HIVEP3: variants seen among roughly 807,000 people sequenced by gnomAD.
The protein encoded by HIVEP3 is transcription factor HIVEP3.
In HIVEP3, 49 loss-of-function variants were observed where a neutral mutation model predicts 152.8. That is an observed-to-expected ratio of 0.32 (90% CI 0.26 to 0.41). The LOEUF (loss-of-function observed/expected upper bound fraction) is 0.41, where lower values mean the gene tolerates loss of function less well. Among genes scored for constraint, HIVEP3 ranks in the 10% least tolerant of loss-of-function variants. The pLI is 1.00. For synonymous variants in HIVEP3, 1,269 were observed against 1,289.0 expected (o/e 0.98, Z 0.33); for missense variants, 2,790 against 3,103.3 (o/e 0.90, Z 2.40).
Position 41,918,198 on chromosome 1 carries a change from G to A in HIVEP3, c.-801+215C>T, listed in dbSNP as rs945418096. On this transcript the variant is annotated intron_variant, in intron 1 of 8. Coordinates refer to ENST00000372583, the MANE Select transcript of HIVEP3 (RefSeq NM_024503.5). This position sits in a 1 kb window ranked among gnomAD's most constrained non-coding sequence, Gnocchi z 4.3. ...TCCCCAGCACCAGGCCGAGCAGCGC[G>A]CTCAGCCCACCGGGGGCACTGGCCG... Among the ~76,000 whole-genome samples, 2 of 124,278 alleles carry A rather than the reference G, an allele frequency of 1.6e-5. No individual in the cohort carries two copies. Among genetic ancestry groups the A allele is most frequent in the Non-Finnish European group, 3.9e-5 (2 of 50,842 alleles). 81.5% of individuals were successfully genotyped at this position (124,278 alleles called of 152,430 possible). A position where few individuals can be genotyped will look rare whatever the true frequency, so the allele number is the denominator to read the frequency against.
At chr1:42,014,034 GC>G (rs1249851102) in intron 1 of HIVEP3, among the ~76,000 whole-genome samples, 1 of 152,178 alleles carries the variant, frequency 6.6e-6, no homozygotes, top group Non-Finnish European at 1.5e-5. Flanking sequence ...CTGGCATAAT[GC>G]CCCATGTTGG....
chr1:41,751,323 C>CTTTTTTTT (rs1426877286), intron 1 of HIVEP3, among the ~76,000 whole-genome samples: 2 of 25,456 alleles, frequency 7.9e-5, no homozygotes, highest in African/African-American at 2.0e-4. Flanking sequence ...AACTGACACA[C>CTTTTTTTT]ATTTTTTTTT....
At chr1:41,687,664 G>A (rs7518983) in intron 2 of HIVEP3, among the ~76,000 whole-genome samples, 8,579 of 152,298 alleles carry the variant, frequency 0.056, 864 homozygotes, top group East Asian at 0.41. Context: ...CAGAGTCCCC[G>A]GTGCCCCTTC....
At chr1:41,821,255 C>T (rs867340967) in intron 1 of HIVEP3, among the ~76,000 whole-genome samples, 2 of 152,192 alleles carry the variant, frequency 1.3e-5, no homozygotes, top group Non-Finnish European at 2.9e-5. Context: ...CCGGTCCTCA[C>T]TCCGTCTTCT....
chr1:41,527,320 G>A, intron 5 of HIVEP3, among the ~76,000 whole-genome samples: 3 of 30,654 alleles, frequency 9.8e-5, no homozygotes, highest in African/African-American at 1.6e-4. Flanking sequence ...TCACACCCCT[G>A]CACTCACACA....
chr1:41,524,438 C>T (rs903560894), intron 6 of HIVEP3, among the ~76,000 whole-genome samples: 3 of 152,124 alleles, frequency 2.0e-5, no homozygotes, highest in Admixed American at 6.5e-5. Context: ...AGATGCAAAA[C>T]CATGAACGGT....
intron 1 of HIVEP3, among the ~76,000 whole-genome samples, chr1:41,852,372 C>T (rs1002288175): frequency 6.6e-6 from 1 of 152,236 alleles, no homozygotes; most frequent in African/African-American, 2.4e-5. Flanking sequence ...CCGTCATCGG[C>T]CCTGAGCCAG....
At chr1:41,957,863 G>T (rs1645148114) in intron 1 of HIVEP3, among the ~76,000 whole-genome samples, 1 of 152,162 alleles carries the variant, frequency 6.6e-6, no homozygotes, top group African/African-American at 2.4e-5. Flanking sequence ...AGGCTATTTT[G>T]AAAAGCTAAA....
chr1:41,647,431 C>G (rs1031230679), intron 2 of HIVEP3, among the ~76,000 whole-genome samples: 3 of 152,204 alleles, frequency 2.0e-5, no homozygotes, highest in African/African-American at 7.2e-5. Flanking sequence ...CCATGCTGAA[C>G]CGGGCACAAG....
intron 5 of HIVEP3, among the ~76,000 whole-genome samples, chr1:41,553,490 C>T (rs1314389923): frequency 6.6e-6 from 1 of 152,166 alleles, no homozygotes; most frequent in Non-Finnish European, 1.5e-5. Flanking sequence ...GGGCATTTAG[C>T]CCATTTACAT....
Position 41,763,399 on chromosome 1 carries a change from G to A in HIVEP3, c.-800-62404C>T, listed in dbSNP as rs963328945. 2.0e-5 allele frequency among the ~76,000 whole-genome samples: 3 copies of A among 152,150 alleles called. No homozygotes were observed. In the South Asian group the frequency reaches 6.2e-4, roughly 31 times the overall value. ...TGCCACACTCCATCTGGCTGCAGCA[G>A]CAGCCATCCAGGGAGTGCTCGTCCT... On this transcript the variant is annotated intron_variant, in intron 1 of 8. Coordinates refer to ENST00000372583, the MANE Select transcript of HIVEP3 (RefSeq NM_024503.5).
intron 5 of HIVEP3, among the ~76,000 whole-genome samples, chr1:41,560,783 C>A (rs1452705485): frequency 6.6e-6 from 1 of 152,222 alleles, no homozygotes; most frequent in East Asian, 1.9e-4. Context: ...GAGGCCAGAG[C>A]ACCCTCTGGA....
chr1:41,790,935 T>G (rs1362943033), intron 1 of HIVEP3, among the ~76,000 whole-genome samples: 2 of 152,126 alleles, frequency 1.3e-5, no homozygotes, highest in Non-Finnish European at 2.9e-5. Context: ...AGACTGATCT[T>G]GCAAAAACCC....
At chr1:41,570,230 T>C (rs1227384837) in intron 5 of HIVEP3, among the ~76,000 whole-genome samples, 2 of 152,136 alleles carry the variant, frequency 1.3e-5, no homozygotes, top group African/African-American at 4.8e-5. Flanking sequence ...GGTGAGAAAG[T>C]GTAACCAGTC....
intron 5 of HIVEP3, among the ~76,000 whole-genome samples, chr1:41,539,042 G>A (rs980099277): frequency 2.6e-5 from 4 of 152,160 alleles, no homozygotes; most frequent in African/African-American, 4.8e-5. Context: ...ACTGAACTTT[G>A]TAAAAAGGAG....
rs535168626 is a variant in HIVEP3, at chr1:41,548,318, G to T, written c.5208-23408C>A. ...GCAGATGAGAAAGGGATTCACAGGG[G>T]CATTAAGTAACTTGCCCATGACCAC... is the stretch of plus-strand genomic sequence containing the variant. On this transcript the variant is annotated intron_variant, in intron 5 of 8. Transcript: ENST00000372583. 3.6e-3 allele frequency among the ~76,000 whole-genome samples: 545 copies of T among 152,264 alleles called. 3 individuals are homozygous for T. The highest frequency in any genetic ancestry group is 0.012 in the African/African-American group (506 of 41,538).
rs774823137 is a variant in HIVEP3, at chr1:41,511,083, T to C, written c.6589A>G (p.Ile2197Val). 6.6e-5 allele frequency: 106 copies of C among 1,613,820 alleles called. No individual in the cohort carries two copies. Among genetic ancestry groups the C allele is most frequent in the Non-Finnish European group, 8.4e-5 (99 of 1,179,980 alleles). The change falls in exon 9 of 9, where the codon ATC becomes GTC. Residue 2197 changes from isoleucine to valine, a missense_variant. This residue lies in a region of HIVEP3 where 816 missense variants were observed against 806.5 expected (regional missense o/e 1.01). Transcript: ENST00000372583. This position sits in a 1 kb window ranked among gnomAD's most constrained non-coding sequence, Gnocchi z 4.9. ...LTRAPCPLIP[I>V]GGIQMVQARP... is the part of the protein sequence containing the mutation. ...GCCTGCACCATCTGGATCCCACCGATGGGAATCAAGGGACATGGGGCACGG... is the reference window on the plus strand; with the variant it reads ...GCCTGCACCATCTGGATCCCACCGACGGGAATCAAGGGACATGGGGCACGG...
chr1:41,857,505 A>G (rs1014451513), intron 1 of HIVEP3, among the ~76,000 whole-genome samples: 4 of 126,414 alleles, frequency 3.2e-5, no homozygotes, highest in African/African-American at 1.7e-4. Context: ...CCAAGTATAG[A>G]AAAAAAAAAA....
chr1:41,639,995 T>C (rs184398654), intron 2 of HIVEP3, among the ~76,000 whole-genome samples: 3 of 152,290 alleles, frequency 2.0e-5, no homozygotes, highest in Admixed American at 2.0e-4. Context: ...CTTTCCATTG[T>C]ATGAAGGAGC....
Sources: gnomAD v4.1 joint callset for allele counts (sites outside exome capture counted in the v4.1 genomes callset) on GRCh38, gnomAD v4.1.1 for gene constraint, gnomAD v4.1.1 regional missense constraint, Gnocchi (gnomAD v3.1) non-coding constraint, MANE v1.5 for transcripts, NCBI Gene and HGNC (gene_info 2026-07-23, HGNC 2026-07-21) for gene names.